The following IL1RAPL1 variants were observed in gnomAD, a reference collection of about 807,000 sequenced individuals.
IL1RAPL1 encodes interleukin 1 receptor accessory protein like 1, also known as interleukin-1 receptor accessory protein-like 1.
IL1RAPL1 carries 3 observed loss-of-function variants against 48.4 expected under a neutral mutation model. The observed-to-expected ratio is 0.06, with a 90% CI of 0.03 to 0.16. The LOEUF is 0.16. Among genes scored for constraint, IL1RAPL1 ranks in the 10% least tolerant of loss-of-function variants. IL1RAPL1 has a pLI of 1.00. For missense variants in IL1RAPL1, 349 were observed against 530.6 expected (o/e 0.66, Z 3.36); for synonymous variants, 185 against 187.7 (o/e 0.99, Z 0.12).
At chrX:29,600,205 C>T (rs1444534882) in intron 5 of IL1RAPL1, among the ~76,000 whole-genome samples, 4 of 111,778 alleles carry the variant, frequency 3.6e-5, no homozygotes, top group Admixed American at 9.5e-5. Flanking sequence ...TCTTTTGTCC[C>T]GCAGGGTGCT....
At chrX:29,886,631 G>A (rs1932174402) in intron 6 of IL1RAPL1, among the ~76,000 whole-genome samples, 1 of 112,167 alleles carries the variant, frequency 8.9e-6, no homozygotes, top group African/African-American at 3.2e-5. Flanking sequence ...ATATGTTAAA[G>A]GCTTTGAAAA....
intron 6 of IL1RAPL1, among the ~76,000 whole-genome samples, chrX:29,788,531 G>T (rs1051629900): frequency 9.0e-6 from 1 of 110,691 alleles, no homozygotes; most frequent in African/African-American, 3.3e-5. Context: ...CTTTCATTTT[G>T]TGATAATTGT....
Position 29,638,750 on chromosome X carries a change from T to C in IL1RAPL1, c.704-29680T>C, listed in dbSNP as rs755803456. ...TTTTATCAAAAGAACTGTTAGTAAC[T>C]GAGGACATCAAAAAATTATGCTTGC... On this transcript the variant is annotated intron_variant, in intron 5 of 10. Transcript: ENST00000378993. Among the ~76,000 whole-genome samples, 10 of 112,500 alleles carry C rather than the reference T, an allele frequency of 8.9e-5. No individual in the cohort carries two copies. In the East Asian group the frequency reaches 2.8e-3, roughly 31 times the overall value.
chrX:29,567,199 G>A (rs1229943447), intron 5 of IL1RAPL1, among the ~76,000 whole-genome samples: 1 of 108,203 alleles, frequency 9.2e-6, no homozygotes, highest in East Asian at 2.9e-4. Context: ...ATACCAGAAA[G>A]AAAAGACAGA....
chrX:28,771,316 G>T (rs2147256858), intron 1 of IL1RAPL1, among the ~76,000 whole-genome samples: 1 of 112,247 alleles, frequency 8.9e-6, no homozygotes, highest in South Asian at 3.7e-4. Flanking sequence ...CTTTTGGCAG[G>T]AAAATAGTCA....
chrX:28,719,139 A>G (rs2146938793), intron 1 of IL1RAPL1, among the ~76,000 whole-genome samples: 1 of 111,306 alleles, frequency 9.0e-6, no homozygotes, highest in South Asian at 3.7e-4. Context: ...TGGTCATATA[A>G]TGGCTTTGAA....
At chrX:28,873,788 C>T (rs1191016698) in intron 2 of IL1RAPL1, among the ~76,000 whole-genome samples, 1 of 109,001 alleles carries the variant, frequency 9.2e-6, no homozygotes, top group African/African-American at 3.3e-5. Context: ...GCCTTGGCCT[C>T]CCAAAGTGCT....
intron 3 of IL1RAPL1, among the ~76,000 whole-genome samples, chrX:29,342,013 T>TG (rs1455429457): frequency 9.1e-6 from 1 of 109,983 alleles, no homozygotes; most frequent in African/African-American, 3.3e-5. Flanking sequence ...TTCACCATGT[T>TG]GGCCAGGCTG....
intron 5 of IL1RAPL1, among the ~76,000 whole-genome samples, chrX:29,525,699 G>A (rs1218059423): frequency 8.9e-6 from 1 of 112,133 alleles, no homozygotes; most frequent in Admixed American, 9.5e-5. Flanking sequence ...TATTGGTGAT[G>A]TGGAATATTA....
chrX:29,816,585 C>A (rs1374291258), intron 6 of IL1RAPL1, among the ~76,000 whole-genome samples: 2 of 110,174 alleles, frequency 1.8e-5, no homozygotes, highest in Admixed American at 1.9e-4. Context: ...ATGAAACCAG[C>A]ATAATTCTGA....
intron 5 of IL1RAPL1, among the ~76,000 whole-genome samples, chrX:29,572,050 G>A (rs1922612142): frequency 8.9e-6 from 1 of 111,985 alleles, no homozygotes. Context: ...GTTCACATAA[G>A]GATATTACAA....
At chrX:28,663,336 T>C (rs1389531598) in intron 1 of IL1RAPL1, among the ~76,000 whole-genome samples, 1 of 112,158 alleles carries the variant, frequency 8.9e-6, no homozygotes, top group African/African-American at 3.2e-5. Context: ...TTTAGAGTGG[T>C]GCTTTTCAAC....
intron 5 of IL1RAPL1, among the ~76,000 whole-genome samples, chrX:29,404,702 A>G (rs1380364283): frequency 1.8e-5 from 2 of 111,541 alleles, no homozygotes; most frequent in Non-Finnish European, 3.8e-5. Context: ...TTTTACCTTC[A>G]TTTATTCCTT....
chrX:28,786,775 G>T (rs1936480152), intron 1 of IL1RAPL1, among the ~76,000 whole-genome samples: 1 of 111,955 alleles, frequency 8.9e-6, no homozygotes, highest in African/African-American at 3.2e-5. Context: ...CATTTATCCA[G>T]AAATTGAGGC....
At chrX:28,728,695 C>A (rs764721658) in intron 1 of IL1RAPL1, among the ~76,000 whole-genome samples, 5 of 111,394 alleles carry the variant, frequency 4.5e-5, no homozygotes, top group Admixed American at 9.6e-5. Flanking sequence ...TGTTTATTTT[C>A]CAAAAATATG....
At chrX:29,437,267 C>G (rs1934492505) in intron 5 of IL1RAPL1, among the ~76,000 whole-genome samples, 1 of 110,449 alleles carries the variant, frequency 9.1e-6, no homozygotes, top group African/African-American at 3.3e-5. Flanking sequence ...ATTACTGAGA[C>G]TGAGGTACAT....
At chrX:29,771,060 A>C (rs1445113429) in intron 6 of IL1RAPL1, among the ~76,000 whole-genome samples, 1 of 112,168 alleles carries the variant, frequency 8.9e-6, no homozygotes, top group Non-Finnish European at 1.9e-5. Flanking sequence ...CCATGAAAAA[A>C]TAATGCTGGC....
chrX:28,780,892 A>T (rs770639564), intron 1 of IL1RAPL1, among the ~76,000 whole-genome samples: 1 of 110,762 alleles, frequency 9.0e-6, no homozygotes, highest in Admixed American at 9.7e-5. Flanking sequence ...TGTTATTTTG[A>T]CTATTTTTGC....
chrX:29,270,409 C>T (rs989538920), intron 2 of IL1RAPL1, among the ~76,000 whole-genome samples: 1 of 111,988 alleles, frequency 8.9e-6, no homozygotes, highest in Non-Finnish European at 1.9e-5. Context: ...TGGTTTTATG[C>T]TTTACATTTG....
Sources: allele counts gnomAD v4.1 joint callset (sites outside exome capture counted in the v4.1 genomes callset), GRCh38; gene constraint gnomAD v4.1.1; transcripts MANE v1.5; gene names NCBI Gene and HGNC (gene_info 2026-07-23, HGNC 2026-07-21).